Variants in SLC27A2 observed in about 807,000 individuals in gnomAD.
The protein encoded by SLC27A2 is solute carrier family 27 member 2.
In SLC27A2, 54 loss-of-function variants were observed where a neutral mutation model predicts 60.0. The observed-to-expected ratio is 0.90, with a 90% CI of 0.72 to 1.13. The LOEUF is 1.13. SLC27A2 is among the 50% of genes most tolerant of loss of function. The pLI, the probability that SLC27A2 is intolerant of heterozygous loss-of-function variation, is 0.00. For synonymous variants in SLC27A2, 297 were observed against 297.6 expected (o/e 1.00, Z 0.02); for missense variants, 739 against 777.6 (o/e 0.95, Z 0.59).
At chr15:50,213,518 G>T (rs552672767) in intron 4 of SLC27A2, among the ~76,000 whole-genome samples, 22 of 151,914 alleles carry the variant, frequency 1.4e-4, no homozygotes, top group Non-Finnish European at 4.4e-5. Context: ...ATTCAACAGC[G>T]CATAACTTTC....
At chr15:50,203,713 GA>G in intron 3 of SLC27A2, among the ~76,000 whole-genome samples, 1 of 151,990 alleles carries the variant, frequency 6.6e-6, no homozygotes, top group East Asian at 1.9e-4. Flanking sequence ...TGTATATGTT[GA>G]AATCCTAACC....
intron 4 of SLC27A2, among the ~76,000 whole-genome samples, chr15:50,216,610 G>GTGTGTGTATATA (rs1323910367): frequency 6.0e-5 from 4 of 66,484 alleles, no homozygotes; most frequent in African/African-American, 2.2e-4. Flanking sequence ...GTGTGTGTGT[G>GTGTGTGTATATA]TATATATATA....
At position 50,185,446 on chromosome 15, in the gene SLC27A2, A is replaced by T. The variant is rs1319378927; in HGVS notation, c.478+2541A>T. Among the ~76,000 whole-genome samples the T allele has an allele frequency of 2.0e-5, 3 of 152,106 alleles. No individual in the cohort carries two copies. In the East Asian group the frequency reaches 5.8e-4, roughly 29 times the overall value. ...TCACAGAGTTGCATGTTTACTAAAC[A>T]TGCCCATGGGAAAATATGTTGAATG... On this transcript the variant is annotated intron_variant, in intron 1 of 9. Transcript: ENST00000267842.
At chr15:50,195,663 A>T (rs963690526) in intron 1 of SLC27A2, among the ~76,000 whole-genome samples, 1 of 151,958 alleles carries the variant, frequency 6.6e-6, no homozygotes, top group African/African-American at 2.4e-5. Flanking sequence ...ATTTTTTTAA[A>T]TTTTAAATGC....
intron 8 of SLC27A2, among the ~76,000 whole-genome samples, chr15:50,230,236 C>CAAA (rs921052664): frequency 3.1e-4 from 15 of 48,692 alleles, no homozygotes; most frequent in African/African-American, 1.2e-3. Flanking sequence ...TCTGTCTCAC[C>CAAA]AAAAAAAAAA....
At chr15:50,195,280 C>A (rs1324500488) in intron 1 of SLC27A2, among the ~76,000 whole-genome samples, 1 of 141,894 alleles carries the variant, frequency 7.0e-6, no homozygotes, top group Non-Finnish European at 1.5e-5. Flanking sequence ...TCCTGGCTAA[C>A]ACAGTGAAAC....
At chr15:50,198,623 T>G (rs1346815554) in intron 2 of SLC27A2, 1 of 152,052 alleles carries the variant, frequency 6.6e-6, no homozygotes, top group African/African-American at 2.4e-5. Flanking sequence ...AAGACCAAAA[T>G]GTAATAATAT....
chr15:50,217,204 C>G (rs2045204922), intron 4 of SLC27A2, among the ~76,000 whole-genome samples: 1 of 151,988 alleles, frequency 6.6e-6, no homozygotes, highest in Non-Finnish European at 1.5e-5. Flanking sequence ...GAAGACCTTA[C>G]TCATGTAACC....
At chr15:50,226,871 C>T (rs2045281924) in intron 6 of SLC27A2, 109 bp from the exon 7 acceptor site, 2 of 796,824 alleles carry the variant, frequency 2.5e-6, no homozygotes, top group African/African-American at 3.5e-5. Context: ...ATGATACTTC[C>T]TACAGCCAGC....
intron 1 of SLC27A2, 115 bp from the exon 2 acceptor site, chr15:50,197,385 C>T: frequency 1.4e-6 from 1 of 703,158 alleles, no homozygotes; most frequent in Non-Finnish European, 2.4e-6. Flanking sequence ...TTGTCATGCC[C>T]ACACATTTAA....
intron 4 of SLC27A2, among the ~76,000 whole-genome samples, chr15:50,211,228 T>C (rs1353637392): frequency 1.3e-5 from 2 of 152,190 alleles, no homozygotes; most frequent in East Asian, 1.9e-4. Flanking sequence ...CATGGAGTCA[T>C]TGCATCCTCT....
chr15:50,218,097 T>C (rs1359377334), intron 4 of SLC27A2, among the ~76,000 whole-genome samples: 1 of 135,438 alleles, frequency 7.4e-6, no homozygotes, highest in Non-Finnish European at 1.6e-5. Context: ...CCGGGAGAAA[T>C]GTTTTTAATG....
chr15:50,206,208 A>G (rs575103588), intron 4 of SLC27A2, among the ~76,000 whole-genome samples: 20 of 152,208 alleles, frequency 1.3e-4, no homozygotes, highest in African/African-American at 4.6e-4. Context: ...ACGAGATGCC[A>G]GTAGTAACCT....
chr15:50,194,219 A>G (rs568677698), intron 1 of SLC27A2, among the ~76,000 whole-genome samples: 1 of 152,262 alleles, frequency 6.6e-6, no homozygotes, highest in South Asian at 2.1e-4. Flanking sequence ...ACGGGCTCCT[A>G]TGGGAGCTGT....
chr15:50,185,435 G>A (rs2044913009), intron 1 of SLC27A2, among the ~76,000 whole-genome samples: 2 of 152,014 alleles, frequency 1.3e-5, no homozygotes, highest in Admixed American at 1.3e-4. Context: ...AGAGTTGCAT[G>A]TTTACTAAAC....
chr15:50,197,584 C>G lies in SLC27A2; in HGVS notation c.563C>G (p.Thr188Arg), dbSNP rs1440271430. Residue 188 changes from threonine to arginine, a missense_variant, in exon 2 of 10, where the codon ACA becomes AGA. Physicochemically the swap from Thr to Arg is moderately conservative, Grantham distance 71. Coordinates refer to ENST00000267842, the MANE Select transcript of SLC27A2 (RefSeq NM_003645.4). The part of the protein sequence containing the change: ...SIYYVSRTSN[T>R]DGIDSFLDKV... ...TATTATGTGAGCAGAACTTCTAACA[C>G]AGATGGGATTGACTCTTTCCTGGAC... 2 of 1,613,852 alleles carry G rather than the reference C, an allele frequency of 1.2e-6. No homozygotes were observed. The highest frequency in any genetic ancestry group is 1.7e-6 in the Non-Finnish European group (2 of 1,179,790).
intron 2 of SLC27A2, among the ~76,000 whole-genome samples, chr15:50,199,388 GGCAT>G (rs1422014710): frequency 4.0e-5 from 6 of 151,342 alleles, no homozygotes; most frequent in African/African-American, 1.2e-4. Flanking sequence ...GCAGGAGAAT[GGCAT>G]GCATGAACCA....
Position 50,205,341 on chromosome 15 carries a change from G to A in SLC27A2, c.950G>A (p.Arg317Gln), listed in dbSNP as rs554769451. ...TVIQYIGELLRYLCNSPQKPN... is the reference protein window; with the variant it reads ...TVIQYIGELLQYLCNSPQKPN... ...ATTCAGTATATCGGTGAACTGCTTC[G>A]GTATTTATGCAACTCACCACAGGTA... The change falls in exon 4 of 10, where the codon CGG becomes CAG. Residue 317 changes from arginine to glutamine, a missense_variant. Physicochemically the swap from Arg to Gln is conservative, Grantham distance 43. Transcript: ENST00000267842. 2.1e-5 allele frequency: 34 copies of A among 1,605,978 alleles called. No homozygotes were observed. The highest frequency in any genetic ancestry group is 6.7e-5 in the East Asian group (3 of 44,724).
chr15:50,231,141 CT>C (rs34060039), intron 8 of SLC27A2, among the ~76,000 whole-genome samples: 23,350 of 128,464 alleles, frequency 0.18, 1,491 homozygotes, highest in East Asian at 0.35. Flanking sequence ...GAATTGTACA[CT>C]TTTTTTTTTT....
Sources: gnomAD v4.1 joint callset for allele counts (sites outside exome capture counted in the v4.1 genomes callset) on GRCh38, gnomAD v4.1.1 for gene constraint, MANE v1.5 for transcripts, NCBI Gene and HGNC (gene_info 2026-07-23, HGNC 2026-07-21) for gene names.